The following KIF2A variants were observed in gnomAD, a reference collection of about 807,000 sequenced individuals.
KIF2A encodes the protein kinesin family member 2A.
Under a neutral mutation model 100.2 loss-of-function variants are expected in KIF2A, and 22 were observed. That is an observed-to-expected ratio of 0.22 (90% CI 0.16 to 0.31). The LOEUF is 0.31. KIF2A is among the 10% of genes least tolerant of loss of function. The pLI is 1.00. For synonymous variants in KIF2A, 268 were observed against 285.9 expected, an observed-to-expected ratio of 0.94 and a Z score of 0.63; for missense variants, 495 against 898.7, an observed-to-expected ratio of 0.55 and a Z score of 5.74.
At chr5:62,308,681 A>T (rs1320710223) in intron 1 of KIF2A, among the ~76,000 whole-genome samples, 1 of 152,210 alleles carries the variant, frequency 6.6e-6, no homozygotes, top group Non-Finnish European at 1.5e-5. Flanking sequence ...ACACCAAGGA[A>T]AATATTGCAT....
intron 1 of KIF2A, among the ~76,000 whole-genome samples, chr5:62,314,635 C>G (rs772090509): frequency 6.6e-6 from 1 of 151,936 alleles, no homozygotes; most frequent in East Asian, 1.9e-4. Context: ...GACTTTTTCT[C>G]CAGGTTTTTG....
chr5:62,376,899 T>TG (rs1250642909), intron 18 of KIF2A, among the ~76,000 whole-genome samples: 4 of 152,080 alleles, frequency 2.6e-5, no homozygotes, highest in African/African-American at 9.7e-5. Flanking sequence ...ATACCCAAAT[T>TG]GCGCATACAC....
intron 1 of KIF2A, among the ~76,000 whole-genome samples, chr5:62,324,198 C>T (rs1746247434): frequency 1.3e-5 from 2 of 152,132 alleles, no homozygotes; most frequent in African/African-American, 2.4e-5. Flanking sequence ...CAAAACATTG[C>T]TGAAATAAAT....
chr5:62,332,972 C>G (rs2111851782), intron 1 of KIF2A, among the ~76,000 whole-genome samples: 1 of 152,284 alleles, frequency 6.6e-6, no homozygotes, highest in African/African-American at 2.4e-5. Context: ...GACAAGCAAA[C>G]TGTGTTAGTA....
chr5:62,340,666 GA>G (rs1747248987), intron 1 of KIF2A, among the ~76,000 whole-genome samples: 1 of 151,966 alleles, frequency 6.6e-6, no homozygotes, highest in Admixed American at 6.5e-5. Flanking sequence ...ACCATATCAT[GA>G]TTTTTTCCTT....
intron 1 of KIF2A, among the ~76,000 whole-genome samples, chr5:62,333,712 A>G (rs16890651): frequency 0.056 from 8,500 of 152,116 alleles, 324 homozygotes; most frequent in East Asian, 0.13. Context: ...TCTCCTCCCC[A>G]AGTGTCCAGC....
At chr5:62,363,946 T>C in intron 14 of KIF2A, 47 bp downstream of exon 14, 1 of 1,449,224 alleles carries the variant, frequency 6.9e-7, no homozygotes, top group Non-Finnish European at 9.4e-7. Context: ...CTTTTGACTT[T>C]AATTTTCTTT....
At chr5:62,381,786 C>T (rs547363438) in intron 20 of KIF2A, among the ~76,000 whole-genome samples, 1 of 152,326 alleles carries the variant, frequency 6.6e-6, no homozygotes, top group East Asian at 1.9e-4. Flanking sequence ...CTGTCTCAAA[C>T]TCCTGGGCTC....
intron 16 of KIF2A, 130 bp from the exon 17 acceptor site, chr5:62,372,308 T>C: frequency 1.6e-6 from 1 of 641,178 alleles, no homozygotes; most frequent in Non-Finnish European, 2.7e-6. Flanking sequence ...AATAATATTC[T>C]AAATACATTG....
chr5:62,313,010 TC>T (rs1351841211), intron 1 of KIF2A, among the ~76,000 whole-genome samples: 2 of 152,216 alleles, frequency 1.3e-5, no homozygotes. Context: ...GTCTTATGTT[TC>T]TTTTTTTTTT....
At chr5:62,379,176 C>A (rs1277837219) in intron 19 of KIF2A, among the ~76,000 whole-genome samples, 1 of 152,184 alleles carries the variant, frequency 6.6e-6, no homozygotes, top group Non-Finnish European at 1.5e-5. Flanking sequence ...TAAAGACCAT[C>A]ATTTCCCACT....
intron 16 of KIF2A, 29 bp downstream of exon 16, chr5:62,366,510 T>A: frequency 7.5e-7 from 1 of 1,328,502 alleles, no homozygotes; most frequent in East Asian, 2.4e-5. Flanking sequence ...CATTTTGAAA[T>A]TTGAGGGGAG....
At chr5:62,383,362 C>A (rs1440727052) in intron 20 of KIF2A, among the ~76,000 whole-genome samples, 1 of 149,764 alleles carries the variant, frequency 6.7e-6, no homozygotes, top group Non-Finnish European at 1.5e-5. Context: ...CCTGCCTCAG[C>A]CTCTTGAGTA....
intron 16 of KIF2A, among the ~76,000 whole-genome samples, chr5:62,370,655 G>T (rs1179058657): frequency 6.6e-6 from 1 of 152,046 alleles, no homozygotes; most frequent in East Asian, 1.9e-4. Context: ...TGGAAGGAAT[G>T]GTTGTCTCAA....
At chr5:62,368,936 T>G (rs1181546370) in intron 16 of KIF2A, among the ~76,000 whole-genome samples, 3 of 152,176 alleles carry the variant, frequency 2.0e-5, no homozygotes, top group African/African-American at 7.2e-5. Context: ...ATGTGGGATT[T>G]TTATCATTAA....
At chr5:62,379,732 C>A (rs1440725914) in intron 19 of KIF2A, among the ~76,000 whole-genome samples, 1 of 151,694 alleles carries the variant, frequency 6.6e-6, no homozygotes, top group Non-Finnish European at 1.5e-5. Context: ...AAGACACATA[C>A]CTATGTTAAC....
At chr5:62,344,971 C>T (rs1368727037) in intron 1 of KIF2A, among the ~76,000 whole-genome samples, 1 of 152,194 alleles carries the variant, frequency 6.6e-6, no homozygotes, top group Non-Finnish European at 1.5e-5. Flanking sequence ...CAAGGCCGGG[C>T]GTGGTGGCTC....
chr5:62,373,088 G>C (rs967651824), intron 17 of KIF2A, among the ~76,000 whole-genome samples: 3 of 151,772 alleles, frequency 2.0e-5, no homozygotes, highest in Non-Finnish European at 4.4e-5. Flanking sequence ...TTAAAGTAAG[G>C]AAAGTTTACC....
At chr5:62,333,019 A>T (rs184457642) in intron 1 of KIF2A, among the ~76,000 whole-genome samples, 1 of 152,328 alleles carries the variant, frequency 6.6e-6, no homozygotes, top group East Asian at 1.9e-4. Flanking sequence ...GCATCATCCT[A>T]TACCTACATT....
Sources: allele counts gnomAD v4.1 joint callset (sites outside exome capture counted in the v4.1 genomes callset), GRCh38; gene constraint gnomAD v4.1.1; transcripts MANE v1.5; gene names NCBI Gene and HGNC (gene_info 2026-07-23, HGNC 2026-07-21).